Variants in RAP1GAP2 observed in about 807,000 individuals in gnomAD.
RAP1GAP2 encodes rap1 GTPase-activating protein 2.
Under a neutral mutation model 95.0 loss-of-function variants are expected in RAP1GAP2, and 27 were observed. The observed-to-expected ratio is 0.28, with a 90% CI of 0.21 to 0.39. The LOEUF (loss-of-function observed/expected upper bound fraction) is 0.39, where lower values mean the gene tolerates loss of function less well. Ranked by LOEUF, RAP1GAP2 falls within the 10% of genes least tolerant of loss-of-function variation. The probability of loss-of-function intolerance (pLI) is 1.00; values close to 1 mark genes in which losing one functional copy is unlikely to be tolerated. For missense variants in RAP1GAP2, 771 were observed against 970.0 expected, an observed-to-expected ratio of 0.79 and a Z score of 2.72; for synonymous variants, 373 against 380.9, an observed-to-expected ratio of 0.98 and a Z score of 0.24.
intron 8 of RAP1GAP2, among the ~76,000 whole-genome samples, chr17:2,967,482 T>C (rs551242998): frequency 6.6e-6 from 1 of 152,176 alleles, no homozygotes; most frequent in African/African-American, 2.4e-5. Flanking sequence ...GGAGTGAGAG[T>C]GAGCCCTGGA....
chr17:2,798,860 C>G (rs983064857), intron 1 of RAP1GAP2, among the ~76,000 whole-genome samples: 1 of 152,094 alleles, frequency 6.6e-6, no homozygotes, highest in African/African-American at 2.4e-5. Flanking sequence ...ACCACGGTGC[C>G]TGTAGGTGGT....
At chr17:2,997,207 C>T (rs888275623) in intron 13 of RAP1GAP2, among the ~76,000 whole-genome samples, 7 of 152,168 alleles carry the variant, frequency 4.6e-5, no homozygotes, top group African/African-American at 1.7e-4. Flanking sequence ...GATCCTCCTT[C>T]CATCCCACCT....
chr17:2,899,356 G>C (rs1376045777), intron 2 of RAP1GAP2, among the ~76,000 whole-genome samples: 1 of 151,828 alleles, frequency 6.6e-6, no homozygotes, highest in East Asian at 1.9e-4. Context: ...ACAGGTGCTC[G>C]CCACCACACC....
rs984670189 is a variant in RAP1GAP2 at position 2,902,414 on chromosome 17, G to A, written c.81-2870G>A. On this transcript the variant is annotated intron_variant, in intron 2 of 24. Transcript: ENST00000254695. This position sits in a 1 kb window ranked among gnomAD's most constrained non-coding sequence, Gnocchi z 4.1. ...GTATTTTTAGTAGAGACGGGGTTTCGCCACGTTGAACAGGCTGGTTTGGAA... is the reference window on the plus strand; with the variant it reads ...GTATTTTTAGTAGAGACGGGGTTTCACCACGTTGAACAGGCTGGTTTGGAA... Among the ~76,000 whole-genome samples the A allele has an allele frequency of 3.3e-5, 5 of 152,004 alleles. No individual in the cohort carries two copies. Among genetic ancestry groups the A allele is most frequent in the Non-Finnish European group, 5.9e-5 (4 of 67,986 alleles).
upstream of RAP1GAP2, among the ~76,000 whole-genome samples, chr17:2,776,708 C>T (rs914888259): frequency 1.3e-5 from 2 of 149,092 alleles, no homozygotes; most frequent in Non-Finnish European, 3.0e-5. Flanking sequence ...GCGGCGGCGG[C>T]GAGGGGCGCC....
intron 23 of RAP1GAP2, among the ~76,000 whole-genome samples, chr17:3,031,820 C>T (rs1465410940): frequency 6.8e-6 from 1 of 146,268 alleles, no homozygotes; most frequent in Non-Finnish European, 1.5e-5. Context: ...CCTGGGTCCC[C>T]CAGTCCCTTC....
At position 2,905,270 on chromosome 17, in the gene RAP1GAP2, TG is replaced by T. The variant is rs1567762644; in HGVS notation, c.81-12del. On this transcript the variant is annotated splice_polypyrimidine_tract_variant and intron_variant, in intron 2 of 24. Coordinates refer to ENST00000254695, the MANE Select transcript of RAP1GAP2 (RefSeq NM_015085.5). ...CAGGCAGGTCCTCACTCACCTCTTT[TG>T]GCCTCTTCACAGGAAGCAGGAGCTG... The T allele has an allele frequency of 6.2e-7, 1 of 1,613,184 alleles. No homozygotes were observed.
Position 3,026,456 on chromosome 17 carries a change from G to A in RAP1GAP2, c.1972G>A (p.Asp658Asn), listed in dbSNP as rs749516545. Residue 658 changes from aspartate (D) to asparagine (N), a missense_variant, in exon 21 of 25, where the codon GAC (aspartate) becomes AAC (asparagine). Transcript: ENST00000254695. ...GGAGGGCGAGGCCATGGAGGAGGGC[G>A]ACAGTGGGGTAGGTGTGCCCCGTCC... The part of the protein sequence containing the change: ...AGEGEAMEEG[D>N]SGGSQPSTTS... 3.2e-6 allele frequency: 5 copies of A among 1,549,508 alleles called. No individual in the cohort carries two copies. The highest frequency in any genetic ancestry group is 1.4e-5 in the African/African-American group (1 of 73,100).
At chr17:2,885,028 C>CTTTTTTTTTTTTTTTTTTTTT in intron 2 of RAP1GAP2, among the ~76,000 whole-genome samples, 1 of 112,506 alleles carries the variant, frequency 8.9e-6, no homozygotes, top group Non-Finnish European at 1.8e-5. Context: ...TTATTTCTTT[C>CTTTTTTTTTTTTTTTTTTTTT]TTTTTTTTTT....
intron 2 of RAP1GAP2, among the ~76,000 whole-genome samples, chr17:2,876,774 C>T (rs1324292426): frequency 6.6e-6 from 1 of 152,178 alleles, no homozygotes; most frequent in Non-Finnish European, 1.5e-5. Flanking sequence ...CCGACCACCC[C>T]TTCCCATCAT....
At chr17:2,781,391 T>C (rs2068642555) in intron 1 of RAP1GAP2, among the ~76,000 whole-genome samples, 1 of 152,224 alleles carries the variant, frequency 6.6e-6, no homozygotes, top group Non-Finnish European at 1.5e-5. Flanking sequence ...GGTGTGCCTG[T>C]GCATGTGGAC....
In RAP1GAP2 at chr17:2,977,723, C is replaced by T. The variant is rs369291522; in HGVS notation, c.597-2564C>T. Among the ~76,000 whole-genome samples, 38 of 121,578 alleles carry T rather than the reference C, an allele frequency of 3.1e-4. No individual in the cohort carries two copies. The South Asian group carries it at 6.6e-3, about 21-fold the overall frequency. The allele number at this position is 121,578 out of a possible 152,430, so 79.8% of individuals were successfully genotyped here. On this transcript the variant is annotated intron_variant, in intron 8 of 24. Coordinates refer to ENST00000254695, the MANE Select transcript of RAP1GAP2 (RefSeq NM_015085.5). ...TTGTACCACCGCACTCCAGCCTGGG[C>T]GACAGAGTGAGAGACTCCGTCTTAA...
At chr17:2,819,221 C>T (rs569569727) in intron 2 of RAP1GAP2, among the ~76,000 whole-genome samples, 81 of 151,814 alleles carry the variant, frequency 5.3e-4, no homozygotes, top group African/African-American at 1.8e-3. Context: ...GGGGTTTCAC[C>T]GTGTTAGCCA....
chr17:2,855,284 A>G lies in RAP1GAP2; in HGVS notation c.81-50000A>G, dbSNP rs148287243. Among the ~76,000 whole-genome samples, 1 of 152,364 alleles carries G rather than the reference A, an allele frequency of 6.6e-6. No homozygotes were observed. The highest frequency in any genetic ancestry group is 2.4e-5 in the African/African-American group (1 of 41,576). ...TGAAATAACATTGAGTCACCTAGTG[A>G]GAAAGTTCTTCCCTTTTCAGTTCTC... On this transcript the variant is annotated intron_variant, in intron 2 of 24. Coordinates refer to ENST00000254695, the MANE Select transcript of RAP1GAP2 (RefSeq NM_015085.5). The surrounding 1 kb of genome is among the most constrained non-coding windows in gnomAD (Gnocchi z 4.3).
At chr17:2,881,098 T>G (rs2073269027) in intron 2 of RAP1GAP2, among the ~76,000 whole-genome samples, 1 of 151,916 alleles carries the variant, frequency 6.6e-6, no homozygotes, top group Admixed American at 6.6e-5. Context: ...CCATCTCTAC[T>G]AAAAATGCAA....
chr17:2,760,603 A>G (rs1242215541), intron 1 of RAP1GAP2, among the ~76,000 whole-genome samples: 1 of 151,472 alleles, frequency 6.6e-6, no homozygotes, highest in Non-Finnish European at 1.5e-5. Context: ...GGCCTCCCAG[A>G]GTGCTGGGAT....
chr17:2,760,948 T>TTTTC (rs34400906), intron 1 of RAP1GAP2, among the ~76,000 whole-genome samples: 59,592 of 151,152 alleles, frequency 0.39, 12,466 homozygotes, highest in African/African-American at 0.55. Context: ...TTTTCTTTTC[T>TTTTC]TTTCTTTCTT....
chr17:2,909,124 G>C (rs1186398008), intron 3 of RAP1GAP2, among the ~76,000 whole-genome samples: 1 of 152,208 alleles, frequency 6.6e-6, no homozygotes, highest in African/African-American at 2.4e-5. Context: ...TTTGGGATGA[G>C]TGAGCTCTCC....
chr17:2,831,583 C>T (rs1037317889), intron 2 of RAP1GAP2, among the ~76,000 whole-genome samples: 10 of 151,578 alleles, frequency 6.6e-5, no homozygotes, highest in African/African-American at 2.2e-4. Context: ...TTTTGTATAA[C>T]GTAAGTAATA....
Sources: gnomAD v4.1 joint callset for allele counts (sites outside exome capture counted in the v4.1 genomes callset) on GRCh38, gnomAD v4.1.1 for gene constraint, Gnocchi (gnomAD v3.1) non-coding constraint, MANE v1.5 for transcripts, NCBI Gene and HGNC (gene_info 2026-07-23, HGNC 2026-07-21) for gene names.